RP1: variants seen among roughly 807,000 people sequenced by gnomAD.
The protein encoded by RP1 is oxygen-regulated protein 1.
In RP1, 16 loss-of-function variants were observed where a neutral mutation model predicts 14.8. That is an observed-to-expected ratio of 1.08 (90% CI 0.73 to 1.65). The LOEUF (loss-of-function observed/expected upper bound fraction) is 1.65. Ranked by LOEUF, RP1 falls within the 40% of genes most tolerant of loss-of-function variation. The pLI is 0.00. For synonymous variants in RP1, 876 were observed against 883.6 expected, an observed-to-expected ratio of 0.99 and a Z score of 0.15; for missense variants, 2,631 against 2,535.0, an observed-to-expected ratio of 1.04 and a Z score of -0.81.
chr8:54,591,704 A>G (rs1268577098), intron 1 of RP1, among the ~76,000 whole-genome samples: 1 of 152,182 alleles, frequency 6.6e-6, no homozygotes, highest in Non-Finnish European at 1.5e-5. Context: ...TGGGTGGGCC[A>G]ATTGGACTGA....
chr8:54,625,921 C>T lies in RP1; in HGVS notation c.2039C>T (p.Ala680Val), dbSNP rs1563330406. Residue 680 changes from alanine (A) to valine (V), a missense_variant, in exon 4 of 4, where the codon GCA (alanine) becomes GTA (valine). Coordinates refer to ENST00000220676, the MANE Select transcript of RP1 (RefSeq NM_006269.2). Reference protein sequence around the residue: ...SKKKKKSRQQAINSRYQDGQL... With the variant: ...SKKKKKSRQQVINSRYQDGQL... ...AAGAAGAAAAAATCTCGACAGCAAG[C>T]AATAAATTCCAGGTATCAAGATGGA... 6.2e-7 allele frequency: 1 copy of T among 1,613,798 alleles called. No individual in the cohort carries two copies. Among genetic ancestry groups the T allele is most frequent in the East Asian group, 2.2e-5 (1 of 44,850 alleles).
intron 27 of RP1, among the ~76,000 whole-genome samples, chr8:54,858,324 G>A (rs189461381): frequency 1.4e-4 from 21 of 152,284 alleles, no homozygotes; most frequent in Middle Eastern, 3.4e-3. Context: ...AATAGAGGAA[G>A]GAATGACATA....
At chr8:54,583,157 A>G (rs1387051637) in intron 1 of RP1, among the ~76,000 whole-genome samples, 2 of 152,128 alleles carry the variant, frequency 1.3e-5, no homozygotes, top group Non-Finnish European at 2.9e-5. Context: ...AGCTCTTATT[A>G]TTTTGAGATA....
At chr8:54,785,518 T>C (rs553501327) in intron 24 of RP1, among the ~76,000 whole-genome samples, 5 of 151,786 alleles carry the variant, frequency 3.3e-5, no homozygotes, top group Admixed American at 2.6e-4. Context: ...ATTGTTTCAC[T>C]ATGTATGTAT....
At chr8:54,833,599 C>T (rs749917785) in intron 24 of RP1, among the ~76,000 whole-genome samples, 18 of 152,100 alleles carry the variant, frequency 1.2e-4, no homozygotes, top group South Asian at 8.3e-4. Context: ...TATCAGGGGA[C>T]CTTGGCTTTA....
chr8:54,591,565 T>C (rs1389993307), intron 1 of RP1, among the ~76,000 whole-genome samples: 1 of 152,144 alleles, frequency 6.6e-6, no homozygotes, highest in Non-Finnish European at 1.5e-5. Context: ...TCACATCCCT[T>C]CTGTACCTGA....
intron 17 of RP1, among the ~76,000 whole-genome samples, chr8:54,731,246 T>G (rs1742694281): frequency 6.6e-6 from 1 of 152,210 alleles, no homozygotes; most frequent in Non-Finnish European, 1.5e-5. Flanking sequence ...TTTGTTTTTT[T>G]GGTCTGAGTC....
intron 12 of RP1, among the ~76,000 whole-genome samples, chr8:54,683,154 C>CTA (rs1412563073): frequency 6.6e-6 from 1 of 151,912 alleles, no homozygotes. Flanking sequence ...TTCCATTGGT[C>CTA]TATATATATC....
chr8:54,858,871 A>G (rs1011258812), intron 27 of RP1, among the ~76,000 whole-genome samples: 2 of 151,934 alleles, frequency 1.3e-5, no homozygotes, highest in African/African-American at 4.8e-5. Context: ...GAGTGATGTC[A>G]CTGCAGAGTG....
chr8:54,785,794 C>T (rs1343423430), intron 24 of RP1, among the ~76,000 whole-genome samples: 1 of 152,054 alleles, frequency 6.6e-6, no homozygotes, highest in Non-Finnish European at 1.5e-5. Flanking sequence ...TGATGTTGAG[C>T]ACCTTTTCAT....
intron 8 of RP1, among the ~76,000 whole-genome samples, chr8:54,675,578 G>A (rs454329): frequency 0.88 from 134,553 of 152,188 alleles, 59,800 homozygotes; most frequent in African/African-American, 0.97. Flanking sequence ...AGAAAATCTC[G>A]GTATATTTCC....
intron 23 of RP1, among the ~76,000 whole-genome samples, chr8:54,775,379 T>C (rs1181130576): frequency 1.3e-5 from 2 of 152,196 alleles, no homozygotes; most frequent in Non-Finnish European, 2.9e-5. Context: ...TGTACACTAT[T>C]AGGTCATAAA....
At chr8:54,615,764 GA>G (rs1805702727), upstream of RP1, among the ~76,000 whole-genome samples, 1 of 152,208 alleles carries the variant, frequency 6.6e-6, no homozygotes, top group Non-Finnish European at 1.5e-5. Flanking sequence ...ATCAGAATGA[GA>G]AAATGTCAAA....
chr8:54,821,245 T>C (rs1377878437), intron 24 of RP1, among the ~76,000 whole-genome samples: 1 of 152,164 alleles, frequency 6.6e-6, no homozygotes, highest in Non-Finnish European at 1.5e-5. Flanking sequence ...CAACCTTCTG[T>C]AGTTCTAGAA....
At position 54,621,194 on chromosome 8, in the gene RP1, C is replaced by T. The variant is rs142600056; in HGVS notation, c.228C>T (p.Leu76=). The change falls in exon 2 of 4, where the codon CTC becomes CTT. Residue 76 remains leucine (L), a synonymous_variant. Transcript: ENST00000220676. ...LLDNLSRKVP[L]PFGVRNISTP... is the part of the protein sequence containing the mutation. ...ATAACTTGTCCAGGAAGGTGCCCCT[C>T]CCTTTTGGAGTGAGGAACATCAGCA... is the stretch of plus-strand genomic sequence containing the variant. 1,385 of 1,614,144 alleles carry T rather than the reference C, an allele frequency of 8.6e-4. 8 individuals are homozygous for T. In the Middle Eastern group the frequency reaches 0.034, roughly 39 times the overall value.
In RP1 at chr8:54,837,606, G is replaced by T. The variant is rs1025699418; in HGVS notation, c.3772G>T (p.Glu1258Ter). ...TGTTGATTCCTGGATAGCTGAGAAT[G>T]AAAATGATGGCGATCTATGGAAGGA... Residue 1258 changes from glutamate (E) to a stop codon, truncating the protein, a stop_gained, in exon 25 of 29, where the codon GAA becomes TAA. Transcript: ENST00000637698. LOFTEE classifies it high-confidence loss of function. 1 of 1,231,908 alleles carries T rather than the reference G, an allele frequency of 8.1e-7. No individual in the cohort carries two copies. Among genetic ancestry groups the T allele is most frequent in the African/African-American group, 1.6e-5 (1 of 64,410 alleles). The allele number at this position is 1,231,908 out of a possible 1,614,324, so 76.3% of individuals were successfully genotyped here. A position where few individuals can be genotyped will look rare whatever the true frequency, so the allele number is the denominator to read the frequency against.
intron 23 of RP1, among the ~76,000 whole-genome samples, chr8:54,778,841 T>C (rs1312204677): frequency 6.6e-6 from 1 of 152,116 alleles, no homozygotes; most frequent in East Asian, 1.9e-4. Context: ...GTGGGTGTTA[T>C]GGGCAGTGGG....
chr8:54,858,626 G>A (rs915112741), intron 27 of RP1, among the ~76,000 whole-genome samples: 1 of 151,904 alleles, frequency 6.6e-6, no homozygotes, highest in Non-Finnish European at 1.5e-5. Context: ...CTGTAGAGTG[G>A]TGTCACTGTA....
chr8:54,834,562 A>G (rs1468937860), intron 24 of RP1, among the ~76,000 whole-genome samples: 1 of 152,080 alleles, frequency 6.6e-6, no homozygotes, highest in Non-Finnish European at 1.5e-5. Context: ...TCATTAAGCC[A>G]GGAAAGTTTT....
Sources: allele counts gnomAD v4.1 joint callset (sites outside exome capture counted in the v4.1 genomes callset), GRCh38; gene constraint gnomAD v4.1.1; transcripts MANE v1.5; gene names NCBI Gene and HGNC (gene_info 2026-07-23, HGNC 2026-07-21).